CLASP2: variants seen among roughly 807,000 people sequenced by gnomAD.
CLASP2 encodes CLIP-associating protein 2.
CLASP2 carries 47 observed loss-of-function variants against 194.4 expected under a neutral mutation model. The observed-to-expected ratio is 0.24, with a 90% CI of 0.19 to 0.31. The LOEUF (loss-of-function observed/expected upper bound fraction) is 0.31, where lower values mean the gene tolerates loss of function less well. Ranked by LOEUF, CLASP2 falls within the 10% of genes least tolerant of loss-of-function variation. The probability of loss-of-function intolerance (pLI) is 1.00; values close to 1 mark genes in which losing one functional copy is unlikely to be tolerated. For missense variants in CLASP2, 1,445 were observed against 1,823.6 expected (o/e 0.79, Z 3.78); for synonymous variants, 619 against 633.5 (o/e 0.98, Z 0.34).
chr3:33,546,052 C>G (rs146217347), intron 30 of CLASP2, among the ~76,000 whole-genome samples: 5 of 152,080 alleles, frequency 3.3e-5, no homozygotes, highest in East Asian at 1.9e-4. Flanking sequence ...ACAAAAGTTA[C>G]GATCTCATAC....
chr3:33,603,568 A>G (rs1482440632), intron 17 of CLASP2, among the ~76,000 whole-genome samples: 1 of 152,210 alleles, frequency 6.6e-6, no homozygotes, highest in Non-Finnish European at 1.5e-5. Flanking sequence ...ACTCCATGGG[A>G]ATGCAAATTA....
At chr3:33,650,643 G>A (rs181427990) in intron 7 of CLASP2, among the ~76,000 whole-genome samples, 2 of 151,994 alleles carry the variant, frequency 1.3e-5, no homozygotes, top group Admixed American at 6.6e-5. Flanking sequence ...AGGCAGGAGA[G>A]GGAGAAGAGA....
In CLASP2 at chr3:33,606,755, T is replaced by C. The variant is rs1212917975; in HGVS notation, c.1530A>G (p.Thr510=). The C allele has an allele frequency of 1.3e-6, 2 of 1,594,714 alleles. No homozygotes were observed. The highest frequency in any genetic ancestry group is 2.2e-5 in the East Asian group (1 of 44,800). ...GAAAGTGGTTTCTAAGACCCATGTA[T>C]GTCCTGTTAAAAAAAAAGAAAAGCA... is the stretch of plus-strand genomic sequence containing the variant. ...DAEARVEARK[T]YMGLRNHFPG... The change falls in exon 16 of 39, where the codon ACA becomes ACG. Residue 510 remains threonine, a synonymous_variant. Coordinates refer to ENST00000682230, the MANE Select transcript of CLASP2 (RefSeq NM_001365631.1).
Position 33,603,085 on chromosome 3 carries a change from G to A in CLASP2, c.1791C>T (p.Ser597=). The change falls in exon 18 of 39, where the codon AGC becomes AGT. Residue 597 remains serine (S), a synonymous_variant. Coordinates refer to ENST00000682230, the MANE Select transcript of CLASP2 (RefSeq NM_001365631.1). Reference sequence around the variant, plus strand: ...CAATGTCACTTCGTGAACGCTGCAGGCTTCCTGGAAGGGAACTGGCTTTGC... The same window carrying A: ...CAATGTCACTTCGTGAACGCTGCAGACTTCCTGGAAGGGAACTGGCTTTGC... ...GSSKASSLPG[S]LQRSRSDIDV... 8 of 1,591,100 alleles carry A rather than the reference G, an allele frequency of 5.0e-6. No homozygotes were observed. The highest frequency in any genetic ancestry group is 6.9e-6 in the Non-Finnish European group (8 of 1,167,594).
intron 6 of CLASP2, among the ~76,000 whole-genome samples, chr3:33,677,559 TGGGGGGA>T (rs988651679): frequency 1.6e-5 from 1 of 61,270 alleles, no homozygotes; most frequent in African/African-American, 6.7e-5. Context: ...TGTTGTGGGG[TGGGGGGA>T]GGGGGGAGGG....
rs111659161 is a variant in CLASP2 at position 33,694,103 on chromosome 3, C to A, written c.274+2752G>T. ...TGGAGAAGAGGGGAAGATTTCAAAACGAAATAAGGGCACAGCAGATGCACA... is the reference window on the plus strand; with the variant it reads ...TGGAGAAGAGGGGAAGATTTCAAAAAGAAATAAGGGCACAGCAGATGCACA... On this transcript the variant is annotated intron_variant, in intron 2 of 38. Coordinates refer to ENST00000682230, the MANE Select transcript of CLASP2 (RefSeq NM_001365631.1). 7.7e-3 allele frequency among the ~76,000 whole-genome samples: 1,164 copies of A among 151,842 alleles called. 13 individuals carry two copies. The highest frequency in any genetic ancestry group is 0.026 in the African/African-American group (1,068 of 41,388).
intron 37 of CLASP2, among the ~76,000 whole-genome samples, chr3:33,507,251 C>T (rs2048516746): frequency 6.6e-6 from 1 of 151,922 alleles, no homozygotes; most frequent in Admixed American, 6.6e-5. Flanking sequence ...TGATTAGATT[C>T]TTGAGACTCT....
chr3:33,551,563 C>A (rs1278537992), intron 29 of CLASP2, among the ~76,000 whole-genome samples, 168 bp from the exon 30 acceptor site: 1 of 152,098 alleles, frequency 6.6e-6, no homozygotes. Context: ...AAGCAATCCT[C>A]CCACCTCGGC....
At chr3:33,669,845 TG>T (rs2086832187) in intron 6 of CLASP2, among the ~76,000 whole-genome samples, 1 of 152,170 alleles carries the variant, frequency 6.6e-6, no homozygotes, top group African/African-American at 2.4e-5. Context: ...ACAACCACTC[TG>T]GAAAACTGTC....
intron 7 of CLASP2, among the ~76,000 whole-genome samples, chr3:33,655,176 T>A (rs1477709017): frequency 3.3e-5 from 5 of 152,196 alleles, no homozygotes; most frequent in Admixed American, 6.5e-5. Context: ...TTTAAGAACA[T>A]CAATTGTACT....
chr3:33,506,826 T>A (rs1425895469), intron 37 of CLASP2, among the ~76,000 whole-genome samples: 1 of 152,212 alleles, frequency 6.6e-6, no homozygotes, highest in African/African-American at 2.4e-5. Context: ...ATTGATCTAT[T>A]AAGTCTACCT....
chr3:33,584,288 T>TG (rs1371952138), intron 22 of CLASP2, among the ~76,000 whole-genome samples: 1 of 150,242 alleles, frequency 6.7e-6, no homozygotes, highest in Non-Finnish European at 1.5e-5. Context: ...TTGGGTTTTT[T>TG]TTTTTTTTTT....
intron 31 of CLASP2, 82 bp downstream of exon 31, chr3:33,544,616 G>C (rs2058865233): frequency 7.7e-7 from 1 of 1,297,750 alleles, no homozygotes; most frequent in Non-Finnish European, 1.1e-6. Context: ...TAAGGATCAA[G>C]TTTACTTCGT....
At chr3:33,571,014 A>ATTTTTTTTTTTTTTTTTT (rs1276472825) in intron 25 of CLASP2, among the ~76,000 whole-genome samples, 2 of 127,742 alleles carry the variant, frequency 1.6e-5, no homozygotes, top group Admixed American at 8.9e-5. Context: ...TGTCTCTATA[A>ATTTTTTTTTTTTTTTTTT]ATTTTTTTTT....
At chr3:33,582,411 A>G (rs1279907485) in intron 22 of CLASP2, among the ~76,000 whole-genome samples, 2 of 152,146 alleles carry the variant, frequency 1.3e-5, no homozygotes, top group Non-Finnish European at 2.9e-5. Context: ...TTCCAGCAAC[A>G]TGGGTAGGTG....
At chr3:33,556,099 ATTATAT>A (rs2060875014) in intron 29 of CLASP2, among the ~76,000 whole-genome samples, 2 of 152,220 alleles carry the variant, frequency 1.3e-5, no homozygotes, top group Admixed American at 1.3e-4. Context: ...GTCAGCAAAG[ATTATAT>A]TTATCTTTAA....
intron 26 of CLASP2, among the ~76,000 whole-genome samples, 196 bp downstream of exon 26, chr3:33,570,531 C>CT (rs754043852): frequency 1.6e-4 from 24 of 152,134 alleles, no homozygotes; most frequent in Non-Finnish European, 3.2e-4. Flanking sequence ...CTTAGACCAT[C>CT]TATCATTGGA....
At chr3:33,514,751 T>C (rs150019042) in intron 36 of CLASP2, 3 of 251,260 alleles carry the variant, frequency 1.2e-5, no homozygotes, top group East Asian at 1.8e-4. Context: ...AATTGGCAAT[T>C]GCAAAAATAT....
chr3:33,613,772 C>T (rs1460987359), intron 12 of CLASP2, among the ~76,000 whole-genome samples: 1 of 152,156 alleles, frequency 6.6e-6, no homozygotes, highest in Non-Finnish European at 1.5e-5. Flanking sequence ...ATGGAGATCC[C>T]CTAGCTACAA....
Sources: allele counts gnomAD v4.1 joint callset (sites outside exome capture counted in the v4.1 genomes callset), GRCh38; gene constraint gnomAD v4.1.1; transcripts MANE v1.5; gene names NCBI Gene and HGNC (gene_info 2026-07-23, HGNC 2026-07-21).